PLEKHA5: variants seen among roughly 807,000 people sequenced by gnomAD.
PLEKHA5 encodes pleckstrin homology domain containing A5, also known as pleckstrin homology domain-containing family A member 5.
A neutral mutation model predicts 181.9 loss-of-function variants in PLEKHA5; 55 were observed. The observed-to-expected ratio is 0.30, with a 90% CI of 0.24 to 0.38. The LOEUF (loss-of-function observed/expected upper bound fraction) is 0.38. Among genes scored for constraint, PLEKHA5 ranks in the 10% least tolerant of loss-of-function variants. The probability of loss-of-function intolerance (pLI) is 1.00; values close to 1 mark genes in which losing one functional copy is unlikely to be tolerated. For synonymous variants in PLEKHA5, 535 were observed against 529.4 expected (o/e 1.01, Z -0.15); for missense variants, 1,432 against 1,549.5 (o/e 0.92, Z 1.27).
intron 25 of PLEKHA5, among the ~76,000 whole-genome samples, chr12:19,349,005 A>C (rs145556274): frequency 6.6e-6 from 1 of 152,160 alleles, no homozygotes; most frequent in Non-Finnish European, 1.5e-5. Context: ...GGTTTTACTA[A>C]GAAATAAGTT....
At chr12:19,326,504 A>C (rs1440489545) in intron 20 of PLEKHA5, among the ~76,000 whole-genome samples, 1 of 152,208 alleles carries the variant, frequency 6.6e-6, no homozygotes, top group African/African-American at 2.4e-5. Context: ...CTCACCTGGT[A>C]GGCCACAAAA....
At chr12:19,336,911 C>T (rs188204606) in intron 21 of PLEKHA5, among the ~76,000 whole-genome samples, 1 of 151,922 alleles carries the variant, frequency 6.6e-6, no homozygotes, top group African/African-American at 2.4e-5. Flanking sequence ...TTTCACAGGT[C>T]CATCTGTGTC....
intron 18 of PLEKHA5, among the ~76,000 whole-genome samples, chr12:19,321,131 A>C (rs1592480494): frequency 6.7e-6 from 1 of 150,038 alleles, no homozygotes; most frequent in Non-Finnish European, 1.5e-5. Flanking sequence ...ATTCCACTGC[A>C]CTCTAGCCTG....
chr12:19,230,917 T>C (rs2060444519), intron 3 of PLEKHA5, among the ~76,000 whole-genome samples: 1 of 152,188 alleles, frequency 6.6e-6, no homozygotes, highest in South Asian at 2.1e-4. Flanking sequence ...CTCAATATCA[T>C]GGTGAGTAAA....
intron 13 of PLEKHA5, among the ~76,000 whole-genome samples, chr12:19,289,515 C>G (rs2077941124): frequency 6.6e-6 from 1 of 152,182 alleles, no homozygotes; most frequent in Non-Finnish European, 1.5e-5. Context: ...TGAGGAAAGC[C>G]TGTAGCCTGC....
Position 19,242,232 on chromosome 12 carries a change from T to TG in PLEKHA5, c.228-11707dup, listed in dbSNP as rs2062759987. On this transcript the variant is annotated intron_variant, in intron 3 of 31. Coordinates refer to ENST00000429027, the MANE Select transcript of PLEKHA5 (RefSeq NM_001256470.2). Reference sequence around the variant, plus strand: ...TGTTCATTTTGTAAATTCCTTTTTTTGTTTTTTTTTGTTTTTTTTGTTTTG... The same window carrying TG: ...TGTTCATTTTGTAAATTCCTTTTTTTGGTTTTTTTTTGTTTTTTTTGTTTTG... Among the ~76,000 whole-genome samples, 3 of 71,176 alleles carry TG rather than the reference T, an allele frequency of 4.2e-5. No homozygotes were observed. The Admixed American group carries it at 5.0e-4, about 12-fold the overall frequency. 46.7% of individuals were successfully genotyped at this position (71,176 alleles called of 152,430 possible).
chr12:19,290,853 C>T (rs2078255448), intron 14 of PLEKHA5, 57 bp downstream of exon 14: 9 of 1,455,434 alleles, frequency 6.2e-6, no homozygotes, highest in Admixed American at 2.1e-5. Context: ...TTTTGAAACA[C>T]TCATCAGTCA....
At chr12:19,171,614 C>G (rs1270789535) in intron 3 of PLEKHA5, among the ~76,000 whole-genome samples, 1 of 152,144 alleles carries the variant, frequency 6.6e-6, no homozygotes, top group African/African-American at 2.4e-5. Flanking sequence ...CCACCTTAGC[C>G]TCCCAGAGTG....
In PLEKHA5 at chr12:19,269,814, A is replaced by G. The variant is rs150162256; in HGVS notation, c.756A>G (p.Thr252=). Reference sequence around the variant, plus strand: ...GGACCTATTATTTCTGCACTGATACAGGAAAGGAAATGGAGTTGTGGATGA... The same window carrying G: ...GGACCTATTATTTCTGCACTGATACGGGAAAGGAAATGGAGTTGTGGATGA... ...NMRTYYFCTD[T]GKEMELWMKA... The change falls in exon 9 of 32, where the codon ACA becomes ACG. Residue 252 remains threonine (T), a synonymous_variant. Coordinates refer to ENST00000429027, the MANE Select transcript of PLEKHA5 (RefSeq NM_001256470.2). 48 of 1,611,118 alleles carry G rather than the reference A, an allele frequency of 3.0e-5. No homozygotes were observed. The East Asian group carries it at 5.8e-4, about 19-fold the overall frequency.
chr12:19,307,199 A>G lies in PLEKHA5; in HGVS notation c.2038-7615A>G, dbSNP rs1376970604. Reference sequence around the variant, plus strand: ...AAAGAAATAGAGAAAGGGGCCCCACATGGTGGCTCAGGCCAGTAATCCCAG... The same window carrying G: ...AAAGAAATAGAGAAAGGGGCCCCACGTGGTGGCTCAGGCCAGTAATCCCAG... On this transcript the variant is annotated intron_variant, in intron 15 of 31. Transcript: ENST00000429027. 9 of 625,420 alleles carry G rather than the reference A, an allele frequency of 1.4e-5. No individual in the cohort carries two copies. In the Admixed American group the frequency reaches 1.7e-4, roughly 12 times the overall value. The allele number at this position is 625,420 out of a possible 1,614,324, so 38.7% of individuals were successfully genotyped here.
intron 3 of PLEKHA5, among the ~76,000 whole-genome samples, chr12:19,155,526 C>A (rs543426074): frequency 3.3e-5 from 5 of 152,224 alleles, no homozygotes; most frequent in Admixed American, 2.6e-4. Context: ...GCCTAGGAAT[C>A]ATCGGTATTA....
chr12:19,199,958 G>A (rs1270562695), intron 3 of PLEKHA5, among the ~76,000 whole-genome samples: 2 of 152,058 alleles, frequency 1.3e-5, no homozygotes, highest in South Asian at 2.1e-4. Flanking sequence ...CATGGAGGTC[G>A]ACAGTGGAAT....
At chr12:19,216,441 T>A (rs1348318398) in intron 3 of PLEKHA5, among the ~76,000 whole-genome samples, 2 of 152,208 alleles carry the variant, frequency 1.3e-5, no homozygotes, top group East Asian at 3.9e-4. Context: ...GGTGGGCAGA[T>A]CATTTGAGGT....
At chr12:19,320,668 C>A in intron 18 of PLEKHA5, 44 bp downstream of exon 18, 1 of 873,230 alleles carries the variant, frequency 1.1e-6, no homozygotes, top group Non-Finnish European at 1.8e-6. Context: ...CTGTCGTATT[C>A]TCCGCCAAAA....
Position 19,366,121 on chromosome 12 carries a change from A to T in PLEKHA5, c.3754+12A>T. ...TCAAACAATGGCAGGTAGGTAGTAT[A>T]CACTTCATAATTTTCTACCTGGTGC... On this transcript the variant is annotated intron_variant, in intron 30 of 31. Transcript: ENST00000429027. The T allele has an allele frequency of 6.3e-7, 1 of 1,591,488 alleles. No homozygotes were observed. The highest frequency in any genetic ancestry group is 8.6e-7 in the Non-Finnish European group (1 of 1,169,398).
chr12:19,252,451 CA>C (rs2065598278), intron 3 of PLEKHA5, among the ~76,000 whole-genome samples: 1 of 152,086 alleles, frequency 6.6e-6, no homozygotes, highest in Non-Finnish European at 1.5e-5. Context: ...TTTAATATAT[CA>C]ATGTATATTG....
At chr12:19,184,172 A>G (rs916171735) in intron 3 of PLEKHA5, among the ~76,000 whole-genome samples, 2 of 152,204 alleles carry the variant, frequency 1.3e-5, no homozygotes. Context: ...GGGAATGGCT[A>G]TGAAAAAGAT....
intron 3 of PLEKHA5, chr12:19,201,708 A>T (rs2054245945): frequency 6.6e-6 from 1 of 152,130 alleles, no homozygotes; most frequent in African/African-American, 2.4e-5. Context: ...AAAGAGCCAG[A>T]CACAGACTAC....
At chr12:19,373,310 G>C (rs1462999675) in intron 31 of PLEKHA5, 1 of 150,260 alleles carries the variant, frequency 6.7e-6, no homozygotes, top group African/African-American at 2.5e-5. Context: ...GAACCTGGGA[G>C]GCAGAGGTTG....
Sources: gnomAD v4.1 joint callset for allele counts (sites outside exome capture counted in the v4.1 genomes callset) on GRCh38, gnomAD v4.1.1 for gene constraint, MANE v1.5 for transcripts, NCBI Gene and HGNC (gene_info 2026-07-23, HGNC 2026-07-21) for gene names.